Variants in FANCC observed in about 807,000 individuals in gnomAD.
FANCC encodes the protein FA complementation group C.
FANCC carries 55 observed loss-of-function variants against 71.3 expected under a neutral mutation model. The ratio of observed to expected loss-of-function variants is 0.77; its 90% CI spans 0.62 to 0.97. FANCC has a LOEUF of 0.97. Ranked by LOEUF, FANCC falls within the 50% of genes least tolerant of loss-of-function variation. The pLI is 0.00. For missense variants in FANCC, 678 were observed against 670.9 expected (o/e 1.01, Z -0.12); for synonymous variants, 275 against 244.9 (o/e 1.12, Z -1.15).
At chr9:95,208,240 G>C (rs1828269593) in intron 4 of FANCC, among the ~76,000 whole-genome samples, 1 of 151,754 alleles carries the variant, frequency 6.6e-6, no homozygotes, top group African/African-American at 2.4e-5. Flanking sequence ...TGGGATCACA[G>C]GCATGCACCA....
chr9:95,139,383 C>T (rs1297093664), intron 7 of FANCC, among the ~76,000 whole-genome samples: 1 of 152,136 alleles, frequency 6.6e-6, no homozygotes, highest in Non-Finnish European at 1.5e-5. Context: ...GAAGAAAATG[C>T]AAGACACACA....
At chr9:95,253,882 G>A (rs948631092) in intron 1 of FANCC, among the ~76,000 whole-genome samples, 3 of 152,172 alleles carry the variant, frequency 2.0e-5, no homozygotes, top group Non-Finnish European at 2.9e-5. Flanking sequence ...CATATGGAGC[G>A]TGCAACCTAG....
At chr9:95,182,286 C>T (rs979252752) in intron 4 of FANCC, among the ~76,000 whole-genome samples, 9 of 151,492 alleles carry the variant, frequency 5.9e-5, no homozygotes, top group African/African-American at 1.5e-4. Context: ...TTTGGGAGGC[C>T]GAGGCAGGCG....
At chr9:95,299,894 T>C (rs986690298) in intron 1 of FANCC, among the ~76,000 whole-genome samples, 1 of 152,048 alleles carries the variant, frequency 6.6e-6, no homozygotes, top group Non-Finnish European at 1.5e-5. Context: ...CACAAAATGG[T>C]ATCTCTGTAT....
chr9:95,104,329 C>T (rs1006558645), intron 14 of FANCC, among the ~76,000 whole-genome samples: 4 of 152,224 alleles, frequency 2.6e-5, no homozygotes, highest in Non-Finnish European at 5.9e-5. Context: ...GCATCCGTCC[C>T]TGACAGAGTC....
chr9:95,195,667 T>C (rs1216315597), intron 4 of FANCC, among the ~76,000 whole-genome samples: 1 of 152,238 alleles, frequency 6.6e-6, no homozygotes, highest in Non-Finnish European at 1.5e-5. Flanking sequence ...AGAATTTTGA[T>C]AGGAAATGCT....
chr9:95,192,927 A>C (rs919952742), intron 4 of FANCC, among the ~76,000 whole-genome samples: 2 of 152,234 alleles, frequency 1.3e-5, no homozygotes, highest in African/African-American at 4.8e-5. Flanking sequence ...TGAACAAACA[A>C]GATTCTCTTG....
chr9:95,285,140 T>C (rs931673002), intron 1 of FANCC, among the ~76,000 whole-genome samples: 7 of 151,826 alleles, frequency 4.6e-5, no homozygotes, highest in African/African-American at 4.8e-5. Context: ...TATAAAGGAA[T>C]TGAGAAAGAA....
chr9:95,221,774 A>G (rs1829288528), intron 4 of FANCC, among the ~76,000 whole-genome samples: 1 of 152,208 alleles, frequency 6.6e-6, no homozygotes, highest in Non-Finnish European at 1.5e-5. Context: ...TCAGTGTCAA[A>G]TCATCAGGGA....
At chr9:95,314,545 G>A (rs760141301) in intron 1 of FANCC, among the ~76,000 whole-genome samples, 3 of 151,952 alleles carry the variant, frequency 2.0e-5, no homozygotes, top group Admixed American at 6.6e-5. Flanking sequence ...CCAGCTACTC[G>A]GGAGGCTGAG....
At chr9:95,238,703 G>C (rs1225940926) in intron 4 of FANCC, among the ~76,000 whole-genome samples, 1 of 151,970 alleles carries the variant, frequency 6.6e-6, no homozygotes, top group African/African-American at 2.4e-5. Flanking sequence ...GTAGCTGAGA[G>C]TACAGGCACG....
intron 4 of FANCC, among the ~76,000 whole-genome samples, chr9:95,223,412 T>G (rs1829405499): frequency 6.6e-6 from 1 of 152,136 alleles, no homozygotes; most frequent in Non-Finnish European, 1.5e-5. Flanking sequence ...CGTCTAAATT[T>G]CCCCTCTTTA....
At chr9:95,243,781 G>A (rs775685152) in intron 3 of FANCC, among the ~76,000 whole-genome samples, 6 of 152,050 alleles carry the variant, frequency 3.9e-5, no homozygotes, top group Non-Finnish European at 7.4e-5. Flanking sequence ...GTGAAAGAGC[G>A]AGACTCCATC....
At chr9:95,146,632 G>A (rs151032797) in intron 7 of FANCC, among the ~76,000 whole-genome samples, 48 of 151,922 alleles carry the variant, frequency 3.2e-4, no homozygotes, top group African/African-American at 9.4e-4. Context: ...CCTTGAATTC[G>A]GAAATGTGAA....
chr9:95,207,130 C>A (rs1217180473), intron 4 of FANCC, among the ~76,000 whole-genome samples: 3 of 152,052 alleles, frequency 2.0e-5, no homozygotes, highest in African/African-American at 7.2e-5. Flanking sequence ...CAAAGGTGAG[C>A]AAGGAAGACC....
At position 95,293,122 on chromosome 9, in the gene FANCC, G is replaced by T; in HGVS notation, c.-79+24404C>A. 21 of 1,613,222 alleles carry T rather than the reference G, an allele frequency of 1.3e-5. No individual in the cohort carries two copies. The South Asian group carries it at 2.3e-4, about 18-fold the overall frequency. On this transcript the variant is annotated intron_variant, in intron 1 of 14. Transcript: ENST00000289081. ...AGACACCCAAGAACTAGAAGCTTCA[G>T]AAATAAAGCTAGAACCATCTTTTGA...
At chr9:95,228,331 T>G (rs1564773480) in intron 4 of FANCC, among the ~76,000 whole-genome samples, 1 of 152,138 alleles carries the variant, frequency 6.6e-6, no homozygotes, top group Non-Finnish European at 1.5e-5. Flanking sequence ...TCCCAAACTA[T>G]TTTTCTAACC....
At chr9:95,283,808 T>C (rs1358493983) in intron 1 of FANCC, among the ~76,000 whole-genome samples, 2 of 152,240 alleles carry the variant, frequency 1.3e-5, no homozygotes, top group South Asian at 2.1e-4. Flanking sequence ...CTCTTTCTTT[T>C]CATCTAATAA....
chr9:95,224,726 A>G (rs1829509041), intron 4 of FANCC, among the ~76,000 whole-genome samples: 1 of 152,050 alleles, frequency 6.6e-6, no homozygotes, highest in South Asian at 2.1e-4. Flanking sequence ...TTTTTTTAAT[A>G]TATAGGAATG....
Sources: allele counts gnomAD v4.1 joint callset (sites outside exome capture counted in the v4.1 genomes callset), GRCh38; gene constraint gnomAD v4.1.1; transcripts MANE v1.5; gene names NCBI Gene and HGNC (gene_info 2026-07-23, HGNC 2026-07-21).